The following NADSYN1 variants were observed in gnomAD, a reference collection of about 807,000 sequenced individuals.
NADSYN1 encodes glutamine-dependent NAD(+) synthetase.
In NADSYN1, 80 loss-of-function variants were observed where a neutral mutation model predicts 99.3. That is an observed-to-expected ratio of 0.81 (90% CI 0.67 to 0.97). NADSYN1 has a LOEUF of 0.97. Among genes scored for constraint, NADSYN1 ranks in the 50% least tolerant of loss-of-function variants. The pLI is 0.00. For missense variants in NADSYN1, 859 were observed against 948.5 expected, an observed-to-expected ratio of 0.91 and a Z score of 1.24; for synonymous variants, 385 against 372.1, an observed-to-expected ratio of 1.03 and a Z score of -0.40.
At position 71,479,202 on chromosome 11, in the gene NADSYN1, C is replaced by T. The variant is rs966207583; in HGVS notation, c.873+733C>T. The T allele has an allele frequency of 1.1e-4, 16 of 152,198 alleles. 3 individuals carry two copies. The highest frequency in any genetic ancestry group is 9.8e-4 in the Admixed American group (15 of 15,272). 9.4% of individuals were successfully genotyped at this position (152,198 alleles called of 1,614,324 possible). A position where few individuals can be genotyped will look rare whatever the true frequency, so the allele number is the denominator to read the frequency against. ...TCAAGTGATCCTCCCACCTCAGCCTCCTGAGTAGCTGAGACAACAGACACA... is the reference window on the plus strand; with the variant it reads ...TCAAGTGATCCTCCCACCTCAGCCTTCTGAGTAGCTGAGACAACAGACACA... On this transcript the variant is annotated intron_variant, in intron 10 of 20. Transcript: ENST00000319023.
intron 16 of NADSYN1, among the ~76,000 whole-genome samples, chr11:71,488,433 A>T (rs891845419): frequency 1.3e-5 from 2 of 152,098 alleles, no homozygotes; most frequent in Admixed American, 6.5e-5. Flanking sequence ...GCCCTGAGTC[A>T]TGACTCCCCC....
intron 15 of NADSYN1, chr11:71,485,291 C>T (rs1949734993): frequency 6.0e-6 from 2 of 332,162 alleles, no homozygotes; most frequent in Admixed American, 9.4e-5. Context: ...GCTCCCTCTG[C>T]CCTCCCGGGC....
intron 3 of NADSYN1, 123 bp from the exon 4 acceptor site, chr11:71,463,309 A>C (rs1424281669): frequency 2.4e-6 from 2 of 848,674 alleles, no homozygotes; most frequent in African/African-American, 3.4e-5. Flanking sequence ...AGTTCTCCGA[A>C]GGGATCGGAG....
At chr11:71,463,365 G>T (rs889910630) in intron 3 of NADSYN1, 67 bp from the exon 4 acceptor site, 3 of 1,394,900 alleles carry the variant, frequency 2.2e-6, no homozygotes, top group African/African-American at 1.4e-5. Context: ...AGCTGCAGCC[G>T]CTGCCTCCAT....
In NADSYN1 at chr11:71,497,554, C is replaced by T. The variant is rs3192486; in HGVS notation, c.1836C>T (p.Pro612=). 6.2e-7 allele frequency: 1 copy of T among 1,614,162 alleles called. No homozygotes were observed. Among genetic ancestry groups the T allele is most frequent in the African/African-American group, 1.3e-5 (1 of 75,032 alleles). Residue 612 remains proline (P), a synonymous_variant, in exon 19 of 21, where the codon CCC becomes CCT. Transcript: ENST00000319023. The part of the protein sequence containing the change: ...GKLRKVAKMG[P]YSMFCKLLGM... The stretch of plus-strand genomic sequence containing the variant: ...TCAGGAAGGTGGCCAAGATGGGGCC[C>T]TACAGCATGTTCTGCAAACTCCTCG...
rs574906058 is a variant in NADSYN1, at chr11:71,477,474, C to T, written c.799-921C>T. 6.7e-5 allele frequency: 86 copies of T among 1,284,352 alleles called. No homozygotes were observed. In the East Asian group the frequency reaches 2.7e-3, roughly 40 times the overall value. The allele number at this position is 1,284,352 out of a possible 1,614,324, so 79.6% of individuals were successfully genotyped here. A position where few individuals can be genotyped will look rare whatever the true frequency, so the allele number is the denominator to read the frequency against. ...CTGTTACGGCGGTAGGAGCAAGGGGCGCGCAAGGTGGCCACGGCCATCCTG... is the reference window on the plus strand; with the variant it reads ...CTGTTACGGCGGTAGGAGCAAGGGGTGCGCAAGGTGGCCACGGCCATCCTG... On this transcript the variant is annotated intron_variant, in intron 9 of 20. Transcript: ENST00000319023.
intron 10 of NADSYN1, 33 bp downstream of exon 10, chr11:71,478,502 C>T (rs1949684599): frequency 3.2e-6 from 5 of 1,566,230 alleles, no homozygotes; most frequent in African/African-American, 1.3e-5. Flanking sequence ...GTGTGGGATG[C>T]TCATCAAAGA....
chr11:71,498,539 C>G lies in NADSYN1; in HGVS notation c.2070+11C>G. 6.2e-7 allele frequency: 1 copy of G among 1,611,920 alleles called. No individual in the cohort carries two copies. The highest frequency in any genetic ancestry group is 1.1e-5 in the South Asian group (1 of 90,898). On this transcript the variant is annotated intron_variant, in intron 20 of 20. Transcript: ENST00000319023. ...TGCATAGAAAATCAGGTAAATCCAG[C>G]AGAAATGTTTCTCTCTCCATGTTTC...
chr11:71,468,792 A>T (rs1949609601), intron 5 of NADSYN1, among the ~76,000 whole-genome samples: 1 of 152,252 alleles, frequency 6.6e-6, no homozygotes, highest in Admixed American at 6.5e-5. Flanking sequence ...AGTTTGCTGG[A>T]TGATAAAACC....
intron 3 of NADSYN1, chr11:71,458,831 C>A: frequency 3.0e-6 from 1 of 328,092 alleles, no homozygotes; most frequent in South Asian, 3.4e-5. Context: ...TTCACCCCAC[C>A]CCGTGCAGAG....
intron 18 of NADSYN1, among the ~76,000 whole-genome samples, chr11:71,494,846 C>T (rs191292147): frequency 1.2e-4 from 19 of 152,264 alleles, no homozygotes; most frequent in Admixed American, 3.3e-4. Flanking sequence ...TGAGCCACCG[C>T]GTCTGGCCAA....
chr11:71,478,014 G>A (rs1019418886), intron 9 of NADSYN1, among the ~76,000 whole-genome samples: 4 of 151,990 alleles, frequency 2.6e-5, no homozygotes, highest in Non-Finnish European at 5.9e-5. Flanking sequence ...ACTGACACTG[G>A]GGTGTCTTAC....
At position 71,501,435 on chromosome 11, in the gene NADSYN1, C is replaced by G. The variant is rs768781946; in HGVS notation, c.*83C>G. On this transcript the variant is annotated 3_prime_UTR_variant, in exon 21 of 21. Coordinates refer to ENST00000319023, the MANE Select transcript of NADSYN1 (RefSeq NM_018161.5). ...CATTGCTGGAGCCAAGGGTAGGAGCCCTACACTAGGAGCCCAGGATGGGAC... is the reference window on the plus strand; with the variant it reads ...CATTGCTGGAGCCAAGGGTAGGAGCGCTACACTAGGAGCCCAGGATGGGAC... 1 of 1,376,886 alleles carries G rather than the reference C, an allele frequency of 7.3e-7. No homozygotes were observed. The highest frequency in any genetic ancestry group is 1.3e-5 in the South Asian group (1 of 79,378). The allele number at this position is 1,376,886 out of a possible 1,614,324, so 85.3% of individuals were successfully genotyped here.
At position 71,481,466 on chromosome 11, in the gene NADSYN1, T is replaced by A. The variant is rs1038568416; in HGVS notation, c.1047+62T>A. The A allele has an allele frequency of 5.2e-6, 8 of 1,534,610 alleles. 1 individual carries two copies. In the African/African-American group the frequency reaches 1.1e-4, roughly 21 times the overall value. On this transcript the variant is annotated intron_variant, in intron 12 of 20. Coordinates refer to ENST00000319023, the MANE Select transcript of NADSYN1 (RefSeq NM_018161.5). The stretch of plus-strand genomic sequence containing the variant: ...GTTCTGCTGGTTGGTCTGGTTTTAT[T>A]CTGGGGCAGGGTAGGGATTTTTTTT...
At chr11:71,463,895 G>C (rs1949568425) in intron 4 of NADSYN1, among the ~76,000 whole-genome samples, 158 bp from the exon 5 acceptor site, 1 of 152,246 alleles carries the variant, frequency 6.6e-6, no homozygotes, top group South Asian at 2.1e-4. Flanking sequence ...CCGAGTCATA[G>C]AAAGCGGAAG....
At chr11:71,477,279 A>G (rs1216230907) in intron 9 of NADSYN1, 1 of 1,258,972 alleles carries the variant, frequency 7.9e-7, no homozygotes, top group Non-Finnish European at 1.0e-6. Context: ...TCATGGAACG[A>G]TCCTCGCCTT....
intron 17 of NADSYN1, 61 bp downstream of exon 17, chr11:71,491,037 G>A (rs1282292937): frequency 6.9e-6 from 11 of 1,600,560 alleles, no homozygotes; most frequent in South Asian, 3.3e-5. Context: ...GCACGGCCCC[G>A]GCCACCCTGG....
chr11:71,470,464 A>G (rs895116042), intron 5 of NADSYN1, among the ~76,000 whole-genome samples: 1 of 152,242 alleles, frequency 6.6e-6, no homozygotes, highest in Non-Finnish European at 1.5e-5. Flanking sequence ...TCACCTGGGT[A>G]CTGTGTGCAC....
chr11:71,474,433 T>C lies in NADSYN1; in HGVS notation c.705T>C (p.Cys235=), dbSNP rs2276354. The C allele has an allele frequency of 0.92, 1,487,321 of 1,614,076 alleles. 690,976 individuals carry two copies. Among genetic ancestry groups the C allele is most frequent in the Non-Finnish European group, 0.96 (1,131,428 of 1,179,986 alleles). The part of the protein sequence containing the change: ...GIYLLANQKG[C]DGDRLYYDGC... ...ACTTGCTGGCCAACCAGAAGGGTTG[T>C]GACGGGGACCGCCTGTACTACGACG... Residue 235 remains cysteine (C), a synonymous_variant, in exon 9 of 21, where the codon TGT becomes TGC. Transcript: ENST00000319023.
Sources: gnomAD v4.1 joint callset for allele counts (sites outside exome capture counted in the v4.1 genomes callset) on GRCh38, gnomAD v4.1.1 for gene constraint, MANE v1.5 for transcripts, NCBI Gene and HGNC (gene_info 2026-07-23, HGNC 2026-07-21) for gene names.